Variants in PMVK observed in about 807,000 individuals in gnomAD.
PMVK encodes phosphomevalonate kinase.
In PMVK, 10 loss-of-function variants were observed where a neutral mutation model predicts 19.0. The observed-to-expected ratio is 0.53, with a 90% confidence interval of 0.32 to 0.89. The LOEUF is 0.89. Among genes scored for constraint, PMVK ranks in the 40% least tolerant of loss-of-function variants. PMVK has a pLI of 0.03. For missense variants in PMVK, 222 were observed against 251.1 expected (o/e 0.88, Z 0.78); for synonymous variants, 108 against 101.6 (o/e 1.06, Z -0.38).
At chr1:154,929,246 G>A (rs537045506) in intron 2 of PMVK, 70 bp from the exon 3 acceptor site, 8 of 1,471,512 alleles carry the variant, frequency 5.4e-6, no homozygotes, top group Non-Finnish European at 1.9e-6. Context: ...AACAGCGGAA[G>A]AGCCATCCCT....
At chr1:154,938,528 A>G (rs1263974493), upstream of PMVK, among the ~76,000 whole-genome samples, 1 of 151,988 alleles carries the variant, frequency 6.6e-6, no homozygotes, top group Non-Finnish European at 1.5e-5. Context: ...CCTGGGAGGC[A>G]GAGGTTGCAG....
chr1:154,925,909 CAGTGATCTAGGGCAGGAAGGA>C (rs1654143277), intron 4 of PMVK, among the ~76,000 whole-genome samples: 1 of 152,230 alleles, frequency 6.6e-6, no homozygotes, highest in Non-Finnish European at 1.5e-5. Flanking sequence ...CTCTAAGTCA[CAGTGATCTAGGGCAGGAAGGA>C]AGCCTGAGCT....
the PMVK span, among the ~76,000 whole-genome samples, chr1:154,942,267 G>C: frequency 6.6e-6 from 1 of 152,224 alleles, no homozygotes; most frequent in Non-Finnish European, 1.5e-5. Context: ...GAAATCCAGT[G>C]AGTCTACCCA....
At chr1:154,930,984 G>A (rs1425086758) in intron 2 of PMVK, among the ~76,000 whole-genome samples, 1 of 152,016 alleles carries the variant, frequency 6.6e-6, no homozygotes, top group African/African-American at 2.4e-5. Context: ...AGCTACTTGG[G>A]AAGCTCAAGT....
chr1:154,925,081 C>A lies in PMVK; in HGVS notation c.*48G>T, dbSNP rs773175481. On this transcript the variant is annotated 3_prime_UTR_variant, in exon 5 of 5. Coordinates refer to ENST00000368467, the MANE Select transcript of PMVK (RefSeq NM_006556.4). ...GGACACCCCCATTTTGCAGAGTCAG[C>A]CCCACCCCCACCTCAGCAGGCCCCA... is the stretch of plus-strand genomic sequence containing the variant. The A allele has an allele frequency of 8.0e-7, 1 of 1,248,948 alleles. No homozygotes were observed. 77.4% of individuals were successfully genotyped at this position (1,248,948 alleles called of 1,614,324 possible).
chr1:154,934,783 G>C (rs1266258991), intron 1 of PMVK, among the ~76,000 whole-genome samples: 6 of 152,042 alleles, frequency 3.9e-5, no homozygotes, highest in Non-Finnish European at 8.8e-5. Context: ...ACGCAGGCCA[G>C]GTGCGGTGGT....
At chr1:154,929,327 G>A (rs1654268175) in intron 2 of PMVK, 151 bp from the exon 3 acceptor site, 2 of 637,628 alleles carry the variant, frequency 3.1e-6, no homozygotes, top group Non-Finnish European at 5.4e-6. Flanking sequence ...AGGTCTGCAA[G>A]GGCAAGAGTC....
At chr1:154,927,448 C>CAAAAAA (rs59872946) in intron 3 of PMVK, among the ~76,000 whole-genome samples, 1 of 35,546 alleles carries the variant, frequency 2.8e-5, no homozygotes. Context: ...GACTCTGTCT[C>CAAAAAA]AAAAAAAAAA....
chr1:154,929,318 G>A (rs1571380321), intron 2 of PMVK, 142 bp from the exon 3 acceptor site: 1 of 670,372 alleles, frequency 1.5e-6, no homozygotes. Context: ...CCAGGACAAA[G>A]GTCTGCAAGG....
Position 154,929,079 on chromosome 1 carries a change from G to A in PMVK, c.257C>T (p.Ala86Val), listed in dbSNP as rs1032441167. 9.3e-6 allele frequency: 15 copies of A among 1,614,062 alleles called. No individual in the cohort carries two copies. The highest frequency in any genetic ancestry group is 8.5e-7 in the Non-Finnish European group (1 of 1,180,000). The change falls in exon 3 of 5, where the codon GCT becomes GTT. Residue 86 changes from alanine (A) to valine (V), a missense_variant. Physicochemically the swap from Ala to Val is moderately conservative, Grantham distance 64 (BLOSUM62 0). Coordinates refer to ENST00000368467, the MANE Select transcript of PMVK (RefSeq NM_006556.4). ...MIRWGEEKRQADPGFFCRKIV... is the reference protein window; with the variant it reads ...MIRWGEEKRQVDPGFFCRKIV... Reference sequence around the variant, plus strand: ...CTTCCTGCAAAAGAAGCCTGGGTCAGCCTGGCGTTTCTCCTCTCCCCAGCG... The same window carrying A: ...CTTCCTGCAAAAGAAGCCTGGGTCAACCTGGCGTTTCTCCTCTCCCCAGCG...
rs375859150 is a variant in PMVK, at chr1:154,926,511, A to G, written c.313-28T>C. 22 of 1,610,554 alleles carry G rather than the reference A, an allele frequency of 1.4e-5. No individual in the cohort carries two copies. In the African/African-American group the frequency reaches 2.7e-4, roughly 20 times the overall value. The stretch of plus-strand genomic sequence containing the variant: ...GCAGGAGAGGGACAGACAGGTGACC[A>G]ACAGGACAGGATGATAGAAGTGAGG... On this transcript the variant is annotated intron_variant, in intron 3 of 4. Transcript: ENST00000368467.
chr1:154,933,782 G>A (rs200084553), intron 1 of PMVK, among the ~76,000 whole-genome samples: 133 of 151,668 alleles, frequency 8.8e-4, no homozygotes, highest in African/African-American at 2.6e-3. Context: ...GTGAGCCACC[G>A]CACACGGCCC....
At chr1:154,933,490 CTT>C (rs397860434) in intron 1 of PMVK, among the ~76,000 whole-genome samples, 169 of 113,944 alleles carry the variant, frequency 1.5e-3, no homozygotes, top group African/African-American at 6.7e-3. Flanking sequence ...CTTAACCAAC[CTT>C]TTTTTTTTTT....
At chr1:154,938,253 C>T (rs75001385), upstream of PMVK, among the ~76,000 whole-genome samples, 533 of 152,286 alleles carry the variant, frequency 3.5e-3, 3 homozygotes, top group Admixed American at 9.0e-3. Context: ...CAATGCACGC[C>T]CCTTACCTCC....
At chr1:154,936,296 G>T in intron 1 of PMVK, 1 of 670,806 alleles carries the variant, frequency 1.5e-6, no homozygotes, top group Non-Finnish European at 1.8e-6. Context: ...TGCCCAGGCT[G>T]GTATCCAACG....
chr1:154,927,767 C>T (rs1353286278), intron 3 of PMVK, among the ~76,000 whole-genome samples: 1 of 152,090 alleles, frequency 6.6e-6, no homozygotes, highest in African/African-American at 2.4e-5. Context: ...AAGCTACTTC[C>T]CCAAATATCC....
chr1:154,936,304 A>G (rs1033275451), intron 1 of PMVK: 1 of 761,648 alleles, frequency 1.3e-6, no homozygotes, highest in Admixed American at 6.2e-5. Context: ...CTGGTATCCA[A>G]CGCCTGGTAT....
At position 154,925,067 on chromosome 1, in the gene PMVK, T is replaced by A; in HGVS notation, c.*62A>T. On this transcript the variant is annotated 3_prime_UTR_variant, in exon 5 of 5. Transcript: ENST00000368467. ...CGGCCAGGATCGGGGGACACCCCCATTTTGCAGAGTCAGCCCCACCCCCAC... is the reference window on the plus strand; with the variant it reads ...CGGCCAGGATCGGGGGACACCCCCAATTTGCAGAGTCAGCCCCACCCCCAC... 13 of 1,209,082 alleles carry A rather than the reference T, an allele frequency of 1.1e-5. No individual in the cohort carries two copies. Among genetic ancestry groups the A allele is most frequent in the Non-Finnish European group, 1.4e-5 (13 of 909,586 alleles). The allele number at this position is 1,209,082 out of a possible 1,614,324, so 74.9% of individuals were successfully genotyped here.
intron 2 of PMVK, 89 bp downstream of exon 2, chr1:154,932,263 T>A (rs1159007977): frequency 2.1e-6 from 2 of 934,938 alleles, no homozygotes; most frequent in East Asian, 5.0e-5. Context: ...GTGACGGGAA[T>A]CATGCCAGTG....
Sources: gnomAD v4.1 joint callset for allele counts (sites outside exome capture counted in the v4.1 genomes callset) on GRCh38, gnomAD v4.1.1 for gene constraint, MANE v1.5 for transcripts, NCBI Gene and HGNC (gene_info 2026-07-23, HGNC 2026-07-21) for gene names.